NSD2: variants seen among roughly 807,000 people sequenced by gnomAD.
NSD2 encodes nuclear receptor binding SET domain protein 2, also known as histone-lysine N-methyltransferase NSD2.
A neutral mutation model predicts 139.0 loss-of-function variants in NSD2; 12 were observed. The observed-to-expected ratio is 0.09, with a 90% CI of 0.06 to 0.14. NSD2 has a LOEUF of 0.14. NSD2 is among the 10% of genes least tolerant of loss of function. The probability of loss-of-function intolerance (pLI) is 1.00; values close to 1 mark genes in which losing one functional copy is unlikely to be tolerated. For missense variants in NSD2, 1,155 were observed against 1,745.0 expected (o/e 0.66, Z 6.02); for synonymous variants, 669 against 648.7 (o/e 1.03, Z -0.48).
intron 9 of NSD2, 134 bp from the exon 10 acceptor site, chr4:1,950,938 C>T: frequency 8.5e-7 from 1 of 1,183,150 alleles, no homozygotes. Flanking sequence ...ACTGTGAAAT[C>T]ACTGGCGGTA....
intron 20 of NSD2, chr4:1,975,696 T>G (rs1056690208): frequency 3.1e-6 from 1 of 319,210 alleles, no homozygotes; most frequent in East Asian, 6.0e-5. Context: ...TGGGAGGCTC[T>G]TTCCCAGGCC....
At chr4:1,926,197 C>T (rs1387317996) in intron 5 of NSD2, among the ~76,000 whole-genome samples, 1 of 149,326 alleles carries the variant, frequency 6.7e-6, no homozygotes, top group Non-Finnish European at 1.5e-5. Context: ...GCACTGTTGC[C>T]AGGCTGGAGT....
chr4:1,960,974 C>A, intron 17 of NSD2, 61 bp from the exon 18 acceptor site: 1 of 1,387,540 alleles, frequency 7.2e-7, no homozygotes, highest in Non-Finnish European at 1.0e-6. Flanking sequence ...GAGTCTTGAG[C>A]CCCGACACTG....
rs144714547 is a variant in NSD2, at chr4:1,951,076, C to T, written c.1886C>T (p.Ser629Leu). ...ATCCGCCTCCTTCATCTCTAGGTCT[C>T]GGACAGCCCGGGAGACGAGCCCTCG... ...PSASLTENEVSDSPGDEPSES... is the reference protein window; with the variant it reads ...PSASLTENEVLDSPGDEPSES... Residue 629 changes from serine (S) to leucine (L), a missense_variant, in exon 10 of 22, where the codon TCG (serine) becomes TTG (leucine). By Grantham distance (145) the Ser-to-Leu change is moderately radical (BLOSUM62 -2). Around this residue, in one of 8 missense-constraint regions of NSD2, gnomAD observed 420 missense variants for 469.0 expected, o/e 0.90. Coordinates refer to ENST00000508803, the MANE Select transcript of NSD2 (RefSeq NM_001042424.3). 2.2e-5 allele frequency: 36 copies of T among 1,614,056 alleles called. No homozygotes were observed. The East Asian group carries it at 2.9e-4, about 13-fold the overall frequency.
At chr4:1,924,392 ATGTTGCTCGGCTG>A (rs1177380432) in intron 5 of NSD2, among the ~76,000 whole-genome samples, 2 of 151,988 alleles carry the variant, frequency 1.3e-5, no homozygotes, top group Admixed American at 1.3e-4. Flanking sequence ...CCACTCTGGT[ATGTTGCTCGGCTG>A]TGTCTCTACA....
At chr4:1,893,451 C>T (rs770255988) in intron 1 of NSD2, among the ~76,000 whole-genome samples, 40 of 151,958 alleles carry the variant, frequency 2.6e-4, no homozygotes, top group Non-Finnish European at 4.6e-4. Flanking sequence ...CCAGCCTGGG[C>T]GACAGAGACT....
intron 3 of NSD2, among the ~76,000 whole-genome samples, chr4:1,911,368 A>G (rs1264391086): frequency 6.6e-6 from 1 of 152,008 alleles, no homozygotes; most frequent in Non-Finnish European, 1.5e-5. Flanking sequence ...CAGGTGGGTG[A>G]CTTGAGGTCA....
chr4:1,927,616 G>C (rs546044475), intron 5 of NSD2, among the ~76,000 whole-genome samples: 1 of 150,232 alleles, frequency 6.7e-6, no homozygotes, highest in Non-Finnish European at 1.5e-5. Context: ...CTACTCAGGA[G>C]GCTAAGGTGG....
intron 7 of NSD2, 23 bp from the exon 8 acceptor site, chr4:1,938,416 CTTTTTTTTTTTT>C (rs746279426): frequency 9.8e-5 from 32 of 325,848 alleles, no homozygotes; most frequent in African/African-American, 6.1e-4. Context: ...TTTTTTCTTT[CTTTTTTTTTTTT>C]TTTTTTTTTT....
rs199620695 is a variant in NSD2, at chr4:1,953,561, G to C, written c.2338+37G>C. The stretch of plus-strand genomic sequence containing the variant: ...CCTGCGCAGCCTTGCTGTGGGTTCA[G>C]ATGCAGGCCAGACGCAGGCCCATGG... On this transcript the variant is annotated intron_variant, in intron 12 of 21. Coordinates refer to ENST00000508803, the MANE Select transcript of NSD2 (RefSeq NM_001042424.3). The C allele has an allele frequency of 4.9e-4, 775 of 1,566,580 alleles. 4 individuals are homozygous for C. In the African/African-American group the frequency reaches 9.1e-3, roughly 18 times the overall value.
intron 1 of NSD2, among the ~76,000 whole-genome samples, chr4:1,898,691 T>A (rs1716751302): frequency 7.9e-6 from 1 of 126,206 alleles, no homozygotes; most frequent in South Asian, 2.4e-4. Flanking sequence ...AAAAACACAC[T>A]TTTTTTTTTT....
At chr4:1,967,107 C>G (rs141332896) in intron 18 of NSD2, among the ~76,000 whole-genome samples, 1 of 152,068 alleles carries the variant, frequency 6.6e-6, no homozygotes, top group Non-Finnish European at 1.5e-5. Context: ...ATTACTGCTT[C>G]TACAGAAATA....
At chr4:1,930,464 C>G (rs1721507720) in intron 5 of NSD2, among the ~76,000 whole-genome samples, 162 bp from the exon 6 acceptor site, 1 of 152,176 alleles carries the variant, frequency 6.6e-6, no homozygotes, top group Non-Finnish European at 1.5e-5. Context: ...ATCAGTTAAG[C>G]ACTACTTTTC....
Position 1,981,962 on chromosome 4 carries a change from T to A in NSD2, c.*3053T>A. The A allele has an allele frequency of 5.0e-6, 2 of 398,584 alleles. No individual in the cohort carries two copies. The highest frequency in any genetic ancestry group is 8.8e-6 in the Non-Finnish European group (2 of 226,062). 24.7% of individuals were successfully genotyped at this position (398,584 alleles called of 1,614,324 possible). A position where few individuals can be genotyped will look rare whatever the true frequency, so the allele number is the denominator to read the frequency against. On this transcript the variant is annotated 3_prime_UTR_variant, in exon 22 of 22. Transcript: ENST00000508803. ...TTAAATACAAACTTAAATGTGCCTATTGGTGTCTAAACTTCATACAATGTA... is the reference window on the plus strand; with the variant it reads ...TTAAATACAAACTTAAATGTGCCTAATGGTGTCTAAACTTCATACAATGTA...
intron 2 of NSD2, among the ~76,000 whole-genome samples, chr4:1,903,447 C>A (rs541784128): frequency 6.6e-6 from 1 of 152,188 alleles, no homozygotes; most frequent in African/African-American, 2.4e-5. Context: ...CCGAGACTTG[C>A]TCCTAGTCCT....
intron 9 of NSD2, chr4:1,946,781 A>G (rs1723678678): frequency 9.5e-7 from 1 of 1,051,718 alleles, no homozygotes; most frequent in Admixed American, 5.5e-5. Context: ...ATACTGGATG[A>G]GCAAGGAGCA....
chr4:1,900,462 G>A (rs1226097573), intron 1 of NSD2, among the ~76,000 whole-genome samples, 164 bp from the exon 2 acceptor site: 1 of 151,940 alleles, frequency 6.6e-6, no homozygotes, highest in East Asian at 1.9e-4. Context: ...TGTAATTTTT[G>A]TGATACTAAA....
chr4:1,873,480 C>T (rs982525526), intron 1 of NSD2, among the ~76,000 whole-genome samples: 2 of 152,154 alleles, frequency 1.3e-5, no homozygotes, highest in Non-Finnish European at 2.9e-5. Context: ...TCAGCTTATC[C>T]AGGGCTTTCA....
chr4:1,897,333 AAGTTAGCTG>A (rs1202283778), intron 1 of NSD2, among the ~76,000 whole-genome samples: 3 of 151,952 alleles, frequency 2.0e-5, no homozygotes, highest in African/African-American at 7.3e-5. Context: ...AAGGGTTAAA[AAGTTAGCTG>A]AGCATGGTGG....
Sources: gnomAD v4.1 joint callset for allele counts (sites outside exome capture counted in the v4.1 genomes callset) on GRCh38, gnomAD v4.1.1 for gene constraint, gnomAD v4.1.1 regional missense constraint, MANE v1.5 for transcripts, NCBI Gene and HGNC (gene_info 2026-07-23, HGNC 2026-07-21) for gene names.